PRELID2: variants seen among roughly 807,000 people sequenced by gnomAD.
PRELID2 encodes PRELI domain-containing protein 2.
PRELID2 carries 25 observed loss-of-function variants against 28.4 expected under a neutral mutation model. The observed-to-expected ratio is 0.88, with a 90% CI of 0.64 to 1.23. The LOEUF (loss-of-function observed/expected upper bound fraction) is 1.23, where lower values mean the gene tolerates loss of function less well. Ranked by LOEUF, PRELID2 falls within the 50% of genes most tolerant of loss-of-function variation. The pLI is 0.00. For missense variants in PRELID2, 201 were observed against 214.4 expected, an observed-to-expected ratio of 0.94 and a Z score of 0.39; for synonymous variants, 76 against 71.6, an observed-to-expected ratio of 1.06 and a Z score of -0.31.
chr5:145,521,903 T>C (rs1014868055), intron 1 of PRELID2, among the ~76,000 whole-genome samples: 3 of 152,204 alleles, frequency 2.0e-5, no homozygotes, highest in Non-Finnish European at 4.4e-5. Flanking sequence ...TATTTGACCA[T>C]AGAAAGTTGC....
the PRELID2 span, among the ~76,000 whole-genome samples, chr5:145,422,645 G>A: frequency 6.6e-6 from 1 of 151,806 alleles, no homozygotes; most frequent in Non-Finnish European, 1.5e-5. Context: ...ATGTGAGATG[G>A]GTTTCCTGAA....
chr5:145,493,461 T>G (rs1752285058), intron 1 of PRELID2, among the ~76,000 whole-genome samples: 1 of 152,214 alleles, frequency 6.6e-6, no homozygotes, highest in Admixed American at 6.5e-5. Flanking sequence ...GTGTCCTGAT[T>G]GTGTCATTCT....
At chr5:145,515,697 T>C (rs956364276) in intron 1 of PRELID2, among the ~76,000 whole-genome samples, 1 of 151,984 alleles carries the variant, frequency 6.6e-6, no homozygotes, top group Non-Finnish European at 1.5e-5. Flanking sequence ...ACAACAAAAA[T>C]TTCAGGCCAA....
chr5:145,645,338 C>CTTTTTTTTTTTTTTTT (rs35732947), intron 1 of PRELID2, among the ~76,000 whole-genome samples: 1 of 47,860 alleles, frequency 2.1e-5, no homozygotes, highest in African/African-American at 1.2e-4. Flanking sequence ...GCAACTCCTG[C>CTTTTTTTTTTTTTTTT]TTTTTTTTTT....
At chr5:145,619,494 TG>T (rs1753745453) in intron 1 of PRELID2, among the ~76,000 whole-genome samples, 1 of 152,232 alleles carries the variant, frequency 6.6e-6, no homozygotes. Flanking sequence ...AGTGTGTGCC[TG>T]GGGGCAGAGG....
At chr5:145,506,595 C>A (rs904939395) in intron 1 of PRELID2, among the ~76,000 whole-genome samples, 1 of 152,142 alleles carries the variant, frequency 6.6e-6, no homozygotes, top group Non-Finnish European at 1.5e-5. Context: ...AATTTAAAAC[C>A]TTGAAGAACT....
the PRELID2 span, among the ~76,000 whole-genome samples, chr5:145,384,378 G>C: frequency 1.3e-5 from 2 of 152,064 alleles, no homozygotes; most frequent in Non-Finnish European, 2.9e-5. Context: ...CAGGAGAATG[G>C]ATACAAACTC....
chr5:145,261,951 A>T, the PRELID2 span, among the ~76,000 whole-genome samples: 1 of 152,190 alleles, frequency 6.6e-6, no homozygotes. Flanking sequence ...AAAAAGTTAC[A>T]GACTATGAAT....
chr5:145,385,587 T>C, the PRELID2 span, among the ~76,000 whole-genome samples: 4 of 152,162 alleles, frequency 2.6e-5, no homozygotes, highest in African/African-American at 9.6e-5. Flanking sequence ...TTGCAACTCA[T>C]ACATTTTTCA....
intron 1 of PRELID2, among the ~76,000 whole-genome samples, chr5:145,638,118 C>T (rs1241260871): frequency 6.6e-6 from 1 of 152,120 alleles, no homozygotes; most frequent in Non-Finnish European, 1.5e-5. Flanking sequence ...GCCAACCATT[C>T]TTAATATACT....
intron 4 of PRELID2, among the ~76,000 whole-genome samples, chr5:145,816,111 C>T (rs1171195193): frequency 1.8e-5 from 2 of 111,688 alleles, no homozygotes; most frequent in Non-Finnish European, 3.3e-5. Flanking sequence ...TTGAGACAGT[C>T]TCGCTCTGTT....
the PRELID2 span, among the ~76,000 whole-genome samples, chr5:145,440,471 T>C: frequency 5.3e-5 from 8 of 152,056 alleles, no homozygotes; most frequent in African/African-American, 1.9e-4. Flanking sequence ...GCCATACCAG[T>C]TGTATCTTGA....
intron 1 of PRELID2, among the ~76,000 whole-genome samples, chr5:145,537,730 A>G (rs1031060507): frequency 4.6e-5 from 7 of 151,606 alleles, no homozygotes; most frequent in Admixed American, 1.3e-4. Flanking sequence ...TATTCATTCT[A>G]GAGATCAACC....
intron 1 of PRELID2, among the ~76,000 whole-genome samples, chr5:145,553,195 A>T (rs953663727): frequency 1.0e-5 from 1 of 96,314 alleles, no homozygotes; most frequent in Non-Finnish European, 2.0e-5. Context: ...CCCCCCCCCA[A>T]AAAAAAAGGG....
chr5:145,313,694 C>T, the PRELID2 span, among the ~76,000 whole-genome samples: 1 of 152,174 alleles, frequency 6.6e-6, no homozygotes, highest in Non-Finnish European at 1.5e-5. Flanking sequence ...GGCTGGGCAA[C>T]AGCTGGGGTA....
chr5:145,742,133 A>T (rs547732237), intron 1 of PRELID2, among the ~76,000 whole-genome samples: 9 of 5,352 alleles, frequency 1.7e-3, no homozygotes, highest in East Asian at 0.026. Flanking sequence ...ATTAATTATA[A>T]ATAAATAAAT....
chr5:145,297,583 A>G, the PRELID2 span, among the ~76,000 whole-genome samples: 3 of 151,724 alleles, frequency 2.0e-5, no homozygotes, highest in South Asian at 4.2e-4. Flanking sequence ...CTCTCTCACC[A>G]CTCCTATTCA....
At chr5:145,825,621 T>A (rs150950255) in intron 1 of PRELID2, among the ~76,000 whole-genome samples, 1,606 of 152,296 alleles carry the variant, frequency 0.011, 29 homozygotes, top group African/African-American at 0.037. Context: ...GACATGATGA[T>A]CAAATTTTTC....
chr5:145,734,402 C>T (rs1252429007), intron 1 of PRELID2, among the ~76,000 whole-genome samples: 1 of 152,180 alleles, frequency 6.6e-6, no homozygotes, highest in Non-Finnish European at 1.5e-5. Context: ...CAACAGAAAA[C>T]TAGTGCACCA....
Sources: gnomAD v4.1 joint callset for allele counts (sites outside exome capture counted in the v4.1 genomes callset) on GRCh38, gnomAD v4.1.1 for gene constraint, MANE v1.5 for transcripts, NCBI Gene and HGNC (gene_info 2026-07-23, HGNC 2026-07-21) for gene names.